LYRM4: variants seen among roughly 807,000 people sequenced by gnomAD.
LYRM4 encodes the protein LYR motif-containing protein 4.
LYRM4 carries 9 observed loss-of-function variants against 11.7 expected under a neutral mutation model. That is an observed-to-expected ratio of 0.77 (90% confidence interval 0.46 to 1.34). LYRM4 has a LOEUF of 1.34. Ranked by LOEUF, LYRM4 falls within the 40% of genes most tolerant of loss-of-function variation. The pLI, the probability that LYRM4 is intolerant of heterozygous loss-of-function variation, is 0.00. For synonymous variants in LYRM4, 42 were observed against 40.4 expected, an observed-to-expected ratio of 1.04 and a Z score of -0.15; for missense variants, 133 against 112.5, an observed-to-expected ratio of 1.18 and a Z score of -0.82.
At chr6:5,185,118 C>T (rs1290954007) in intron 2 of LYRM4, among the ~76,000 whole-genome samples, 1 of 152,214 alleles carries the variant, frequency 6.6e-6, no homozygotes, top group African/African-American at 2.4e-5. Context: ...CTACCTAGCT[C>T]CTCGAGGGTC....
chr6:5,254,964 C>G (rs1764601452), intron 1 of LYRM4, among the ~76,000 whole-genome samples: 1 of 152,158 alleles, frequency 6.6e-6, no homozygotes, highest in Admixed American at 6.5e-5. Context: ...CCCCCACAAT[C>G]TGGGTTCTGC....
chr6:5,168,225 A>G (rs1356611094), intron 2 of LYRM4, among the ~76,000 whole-genome samples: 1 of 152,226 alleles, frequency 6.6e-6, no homozygotes, highest in Non-Finnish European at 1.5e-5. Flanking sequence ...CACTCATGTA[A>G]TAAGTAAATC....
At chr6:5,098,332 G>A in the LYRM4 span, among the ~76,000 whole-genome samples, 6 of 152,180 alleles carry the variant, frequency 3.9e-5, no homozygotes, top group South Asian at 2.1e-4. Context: ...TGCTCTGCTC[G>A]GGAGTGATGT....
At chr6:5,187,728 A>G (rs1481730503) in intron 2 of LYRM4, among the ~76,000 whole-genome samples, 2 of 152,226 alleles carry the variant, frequency 1.3e-5, no homozygotes, top group African/African-American at 4.8e-5. Flanking sequence ...CGTTGTGCAC[A>G]TGTACCCTAG....
At chr6:5,101,328 C>A (rs1762493269), downstream of LYRM4, among the ~76,000 whole-genome samples, 1 of 152,200 alleles carries the variant, frequency 6.6e-6, no homozygotes. Context: ...ATGTTTGGTC[C>A]ATTTCTTCAT....
the LYRM4 span, chr6:5,086,623 C>T: frequency 7.5e-7 from 1 of 1,328,352 alleles, no homozygotes; most frequent in Non-Finnish European, 1.0e-6. Context: ...CTCGGGCTGC[C>T]GCCTCAAGGA....
intron 1 of LYRM4, among the ~76,000 whole-genome samples, chr6:5,229,760 T>A (rs1763122067): frequency 1.3e-5 from 2 of 152,056 alleles, no homozygotes; most frequent in African/African-American, 4.8e-5. Context: ...TTAAGAAAGG[T>A]TCTATGGGGT....
At chr6:5,151,084 A>AT (rs10599613) in intron 2 of LYRM4, among the ~76,000 whole-genome samples, 4,004 of 136,702 alleles carry the variant, frequency 0.029, 109 homozygotes, top group Non-Finnish European at 0.048. Context: ...TTTGTTTTGA[A>AT]TTTTTTTTTT....
intron 2 of LYRM4, among the ~76,000 whole-genome samples, chr6:5,134,741 T>C (rs1024661359): frequency 2.0e-5 from 3 of 152,212 alleles, no homozygotes; most frequent in African/African-American, 4.8e-5. Flanking sequence ...CTACATACTT[T>C]TGTATATTTT....
At chr6:5,103,162 G>A (rs1394644574), downstream of LYRM4, 1 of 152,206 alleles carries the variant, frequency 6.6e-6, no homozygotes, top group Non-Finnish European at 1.5e-5. Flanking sequence ...AAGAAAGCCT[G>A]CTGAATCGTA....
chr6:5,086,835 T>G, the LYRM4 span: 2 of 489,384 alleles, frequency 4.1e-6, no homozygotes, highest in South Asian at 3.4e-5. Flanking sequence ...ATTCCCAGCC[T>G]GCGTCAGAAT....
chr6:5,225,531 T>C (rs1262472110), intron 1 of LYRM4, among the ~76,000 whole-genome samples: 1 of 152,214 alleles, frequency 6.6e-6, no homozygotes, highest in Non-Finnish European at 1.5e-5. Context: ...CATTTGATAA[T>C]ACAAATAAAG....
chr6:5,037,880 T>A, the LYRM4 span, among the ~76,000 whole-genome samples: 1 of 46,246 alleles, frequency 2.2e-5, no homozygotes, highest in African/African-American at 6.0e-5. Flanking sequence ...CACTTCCCAG[T>A]AGGGGCGGCC....
At chr6:5,223,284 A>G (rs1490975736) in intron 1 of LYRM4, among the ~76,000 whole-genome samples, 1 of 152,232 alleles carries the variant, frequency 6.6e-6, no homozygotes, top group Non-Finnish European at 1.5e-5. Flanking sequence ...ACAAAAGAAT[A>G]TCATCAATTT....
intron 1 of LYRM4, among the ~76,000 whole-genome samples, chr6:5,217,810 T>C (rs554014117): frequency 6.6e-6 from 1 of 152,312 alleles, no homozygotes; most frequent in South Asian, 2.1e-4. Context: ...CATACTCAGA[T>C]GGCTATGGCC....
intron 2 of LYRM4, among the ~76,000 whole-genome samples, chr6:5,115,019 T>G (rs1763055858): frequency 6.6e-6 from 1 of 152,228 alleles, no homozygotes; most frequent in African/African-American, 2.4e-5. Flanking sequence ...AACTTCATAT[T>G]ATGATGCTTA....
At chr6:5,129,700 G>A (rs1020559453) in intron 2 of LYRM4, among the ~76,000 whole-genome samples, 1 of 152,160 alleles carries the variant, frequency 6.6e-6, no homozygotes, top group East Asian at 1.9e-4. Flanking sequence ...GGATGTGGAC[G>A]CCTTTGGGGG....
the LYRM4 span, among the ~76,000 whole-genome samples, chr6:5,078,261 G>A: frequency 6.6e-6 from 1 of 150,602 alleles, no homozygotes; most frequent in South Asian, 2.1e-4. Flanking sequence ...TTAATCAAAA[G>A]CAACATGACC....
chr6:5,260,492 G>A (rs1764985741), intron 1 of LYRM4, among the ~76,000 whole-genome samples, 156 bp downstream of exon 1: 1 of 152,254 alleles, frequency 6.6e-6, no homozygotes, highest in Non-Finnish European at 1.5e-5. Context: ...CCTGTAGGCA[G>A]GAGCACGCTT....
Sources: allele counts gnomAD v4.1 joint callset (sites outside exome capture counted in the v4.1 genomes callset), GRCh38; gene constraint gnomAD v4.1.1; transcripts MANE v1.5; gene names NCBI Gene and HGNC (gene_info 2026-07-23, HGNC 2026-07-21).